Variants in G3BP2 observed in about 807,000 individuals in gnomAD.
The protein encoded by G3BP2 is G3BP stress granule assembly factor 2, also known as ras GTPase-activating protein-binding protein 2.
G3BP2 carries 11 observed loss-of-function variants against 56.7 expected under a neutral mutation model. The ratio of observed to expected loss-of-function variants is 0.19; its 90% CI spans 0.12 to 0.32. G3BP2 has a LOEUF of 0.32. Among genes scored for constraint, G3BP2 ranks in the 10% least tolerant of loss-of-function variants. The pLI, the probability that G3BP2 is intolerant of heterozygous loss-of-function variation, is 1.00. For synonymous variants in G3BP2, 165 were observed against 191.6 expected (o/e 0.86, Z 1.15); for missense variants, 340 against 610.9 (o/e 0.56, Z 4.67).
intron 3 of G3BP2, among the ~76,000 whole-genome samples, chr4:75,696,670 G>A (rs1719131688): frequency 6.6e-6 from 1 of 152,148 alleles, no homozygotes; most frequent in South Asian, 2.1e-4. Flanking sequence ...AATGATGTGA[G>A]CATGGCAGAC....
intron 3 of G3BP2, among the ~76,000 whole-genome samples, chr4:75,715,349 A>AT (rs1400858272): frequency 6.6e-6 from 1 of 152,132 alleles, no homozygotes; most frequent in Admixed American, 6.6e-5. Flanking sequence ...GCTGCTGCAG[A>AT]TATTAGTCAG....
chr4:75,682,285 C>G (rs980636572), intron 3 of G3BP2, among the ~76,000 whole-genome samples: 1 of 151,670 alleles, frequency 6.6e-6, no homozygotes, highest in African/African-American at 2.4e-5. Flanking sequence ...TGTGGTGGCA[C>G]ACGCCTGTAG....
rs1731159101 is a variant in G3BP2, at chr4:75,645,598, A to G, written c.1281T>C (p.Ile427=). ...CACCGGGACCTCGATCATTGCGCCT[A>G]ATATCCCTGCGATCATCACCACCAC... is the stretch of plus-strand genomic sequence containing the variant. ...TRGGGDDRRD[I]RRNDRGPGGP... Residue 427 remains isoleucine (I), a synonymous_variant, in exon 12 of 12, where the codon ATT becomes ATC. Transcript: ENST00000359707. The G allele has an allele frequency of 6.2e-7, 1 of 1,613,664 alleles. No individual in the cohort carries two copies. Among genetic ancestry groups the G allele is most frequent in the Admixed American group, 1.7e-5 (1 of 59,948 alleles).
intron 3 of G3BP2, among the ~76,000 whole-genome samples, chr4:75,686,814 G>A (rs1009093477): frequency 6.6e-6 from 1 of 152,140 alleles, no homozygotes; most frequent in Non-Finnish European, 1.5e-5. Context: ...TTTCATCTTA[G>A]AATACCTATT....
chr4:75,710,189 C>T (rs543031647), intron 3 of G3BP2, among the ~76,000 whole-genome samples: 1 of 152,224 alleles, frequency 6.6e-6, no homozygotes, highest in South Asian at 2.1e-4. Flanking sequence ...TCTTGAATTC[C>T]TGGGCTCAAG....
chr4:75,678,059 G>C (rs1346966564), upstream of G3BP2, among the ~76,000 whole-genome samples: 1 of 152,170 alleles, frequency 6.6e-6, no homozygotes, highest in African/African-American at 2.4e-5. Context: ...ACTAGGGTTG[G>C]CCCTTTGATC....
chr4:75,680,721 C>T (rs1283150773), intron 3 of G3BP2, among the ~76,000 whole-genome samples: 1 of 152,194 alleles, frequency 6.6e-6, no homozygotes, highest in Admixed American at 6.5e-5. Context: ...AATCCCAGCA[C>T]TTTGGGAGGC....
chr4:75,673,546 A>G, upstream of G3BP2: 2 of 1,232,068 alleles, frequency 1.6e-6, no homozygotes, highest in Non-Finnish European at 1.0e-6. Flanking sequence ...CCCTCTGCGG[A>G]GCACGCGCAG....
At chr4:75,703,029 T>G (rs957878180) in intron 3 of G3BP2, among the ~76,000 whole-genome samples, 3 of 152,142 alleles carry the variant, frequency 2.0e-5, no homozygotes, top group African/African-American at 7.2e-5. Context: ...GGACACTCCT[T>G]AAAATCACCC....
At chr4:75,695,889 G>A (rs765505264) in intron 3 of G3BP2, among the ~76,000 whole-genome samples, 31 of 149,992 alleles carry the variant, frequency 2.1e-4, no homozygotes, top group Admixed American at 4.7e-4. Flanking sequence ...CAGGAGAATC[G>A]CTTGAACCTG....
At chr4:75,716,518 T>C (rs1304551581) in intron 3 of G3BP2, among the ~76,000 whole-genome samples, 3 of 150,162 alleles carry the variant, frequency 2.0e-5, no homozygotes, top group African/African-American at 7.4e-5. Flanking sequence ...TGTTTTGTTT[T>C]TGTTGTTGTT....
At chr4:75,699,782 T>C (rs1322027614) in intron 3 of G3BP2, among the ~76,000 whole-genome samples, 2 of 152,204 alleles carry the variant, frequency 1.3e-5, no homozygotes, top group African/African-American at 4.8e-5. Context: ...CATGAGGCTA[T>C]ATTATTATAA....
chr4:75,705,522 T>A (rs920901915), intron 3 of G3BP2, among the ~76,000 whole-genome samples: 5 of 152,056 alleles, frequency 3.3e-5, no homozygotes, highest in Admixed American at 6.6e-5. Flanking sequence ...CCTGCACAGG[T>A]CAGGGAGTGG....
intron 3 of G3BP2, among the ~76,000 whole-genome samples, chr4:75,716,896 C>G (rs565001493): frequency 6.6e-6 from 1 of 152,340 alleles, no homozygotes; most frequent in African/African-American, 2.4e-5. Flanking sequence ...AGAGGCCAAA[C>G]AGAAGACTTC....
intron 3 of G3BP2, chr4:75,695,051 G>T: frequency 7.6e-6 from 3 of 394,218 alleles, no homozygotes; most frequent in Non-Finnish European, 6.9e-6. Flanking sequence ...AACCACTGTA[G>T]ATAGGAACTC....
At chr4:75,714,781 A>G (rs552889704) in intron 3 of G3BP2, among the ~76,000 whole-genome samples, 4 of 152,234 alleles carry the variant, frequency 2.6e-5, no homozygotes, top group Non-Finnish European at 5.9e-5. Flanking sequence ...TTTCCCCTTC[A>G]CCTTTGCCCC....
chr4:75,655,637 C>T, intron 6 of G3BP2, 131 bp downstream of exon 6: 1 of 617,310 alleles, frequency 1.6e-6, no homozygotes, highest in Non-Finnish European at 2.9e-6. Context: ...TGCATATACA[C>T]AATAGGTACT....
At chr4:75,652,376 C>T (rs933274112) in intron 8 of G3BP2, among the ~76,000 whole-genome samples, 2 of 152,112 alleles carry the variant, frequency 1.3e-5, no homozygotes, top group African/African-American at 4.8e-5. Flanking sequence ...TAATCCCCAC[C>T]GTTTGGGAGG....
intron 3 of G3BP2, among the ~76,000 whole-genome samples, chr4:75,678,506 G>A (rs1279965040): frequency 1.3e-5 from 2 of 152,214 alleles, no homozygotes; most frequent in South Asian, 2.1e-4. Context: ...TGATAATGCT[G>A]TCAACAGCAT....
Sources: gnomAD v4.1 joint callset for allele counts (sites outside exome capture counted in the v4.1 genomes callset) on GRCh38, gnomAD v4.1.1 for gene constraint, MANE v1.5 for transcripts, NCBI Gene and HGNC (gene_info 2026-07-23, HGNC 2026-07-21) for gene names.